The following ZNF521 variants were observed in gnomAD, a reference collection of about 807,000 sequenced individuals.
ZNF521 encodes the protein LYST-interacting protein 3.
ZNF521 carries 14 observed loss-of-function variants against 105.5 expected under a neutral mutation model. That is an observed-to-expected ratio of 0.13 (90% CI 0.09 to 0.21). The LOEUF (loss-of-function observed/expected upper bound fraction) is 0.21, where lower values mean the gene tolerates loss of function less well. ZNF521 is among the 10% of genes least tolerant of loss of function. The pLI, the probability that ZNF521 is intolerant of heterozygous loss-of-function variation, is 1.00. For missense variants in ZNF521, 1,233 were observed against 1,629.7 expected (o/e 0.76, Z 4.19); for synonymous variants, 635 against 606.0 (o/e 1.05, Z -0.70).
chr18:25,116,446 C>G (rs1003645109), intron 5 of ZNF521, among the ~76,000 whole-genome samples: 1 of 152,072 alleles, frequency 6.6e-6, no homozygotes, highest in Non-Finnish European at 1.5e-5. Context: ...AAGGTAACCC[C>G]TTAAACATGG....
rs36175281 is a variant in ZNF521 at position 25,139,372 on chromosome 18, C to CAAAAAAAAAAAAAAAA, written c.3659-47307_3659-47292dup. Among the ~76,000 whole-genome samples, 63 of 51,390 alleles carry CAAAAAAAAAAAAAAAA rather than the reference C, an allele frequency of 1.2e-3. 2 individuals carry two copies. Among genetic ancestry groups the CAAAAAAAAAAAAAAAA allele is most frequent in the Non-Finnish European group, 1.8e-3 (53 of 29,418 alleles). The allele number at this position is 51,390 out of a possible 152,430, so 33.7% of individuals were successfully genotyped here. A position where few individuals can be genotyped will look rare whatever the true frequency, so the allele number is the denominator to read the frequency against. ...TGGGCGACAGAGCAAGACTCTGTCT[C>CAAAAAAAAAAAAAAAA]AAAAAAAAAAAAAAAAAAAAAAAAA... On this transcript the variant is annotated intron_variant, in intron 5 of 7. Transcript: ENST00000361524.
chr18:25,343,121 A>G (rs931460361), intron 2 of ZNF521, among the ~76,000 whole-genome samples: 3 of 152,230 alleles, frequency 2.0e-5, no homozygotes, highest in African/African-American at 7.2e-5. Flanking sequence ...GTCTGTAATC[A>G]ATGAGGATTT....
chr18:25,190,344 A>G (rs558522894), intron 5 of ZNF521, among the ~76,000 whole-genome samples: 8 of 152,206 alleles, frequency 5.3e-5, no homozygotes, highest in Non-Finnish European at 1.2e-4. Context: ...TTCTTAGGAT[A>G]GCATGGAGAT....
At chr18:25,080,105 C>A (rs544407193) in intron 7 of ZNF521, among the ~76,000 whole-genome samples, 3 of 152,322 alleles carry the variant, frequency 2.0e-5, no homozygotes, top group Admixed American at 1.3e-4. Context: ...AGCTGTCCTC[C>A]CAGACATGGA....
chr18:25,288,216 G>C (rs1910815163), intron 3 of ZNF521, among the ~76,000 whole-genome samples: 1 of 152,044 alleles, frequency 6.6e-6, no homozygotes. Context: ...AACTGTTCAG[G>C]GACAGTAAGC....
intron 5 of ZNF521, among the ~76,000 whole-genome samples, chr18:25,182,624 T>C (rs1441891912): frequency 2.0e-5 from 3 of 152,210 alleles, no homozygotes; most frequent in Non-Finnish European, 4.4e-5. Flanking sequence ...AAACAAAATG[T>C]ACTTCCACTG....
chr18:25,246,549 T>C lies in ZNF521; in HGVS notation c.221-18852A>G, dbSNP rs114260002. Reference sequence around the variant, plus strand: ...GCAAAGACTTATCAAAACCCCAAAATGTAGCTACTATTGTTAAGACTATTC... The same window carrying C: ...GCAAAGACTTATCAAAACCCCAAAACGTAGCTACTATTGTTAAGACTATTC... On this transcript the variant is annotated intron_variant, in intron 3 of 7. Transcript: ENST00000361524. Among the ~76,000 whole-genome samples, 1,173 of 152,310 alleles carry C rather than the reference T, an allele frequency of 7.7e-3. 14 individuals carry two copies. The highest frequency in any genetic ancestry group is 0.023 in the African/African-American group (951 of 41,566).
intron 3 of ZNF521, among the ~76,000 whole-genome samples, chr18:25,300,494 T>G (rs937144633): frequency 6.6e-6 from 1 of 152,144 alleles, no homozygotes; most frequent in Non-Finnish European, 1.5e-5. Context: ...AAGAGAACAG[T>G]CTTATGTTGG....
chr18:25,324,518 T>A (rs1465013140), intron 2 of ZNF521, among the ~76,000 whole-genome samples: 3 of 152,054 alleles, frequency 2.0e-5, no homozygotes, highest in African/African-American at 7.2e-5. Context: ...CTATGGCAAA[T>A]TGACCCCCAC....
intron 5 of ZNF521, among the ~76,000 whole-genome samples, chr18:25,186,107 T>G (rs1426602066): frequency 1.3e-5 from 2 of 152,202 alleles, no homozygotes; most frequent in African/African-American, 4.8e-5. Flanking sequence ...AAAGTCTTAC[T>G]TTTCAGTCAG....
At chr18:25,190,788 T>G (rs2144621656) in intron 5 of ZNF521, among the ~76,000 whole-genome samples, 1 of 152,360 alleles carries the variant, frequency 6.6e-6, no homozygotes, top group Middle Eastern at 3.4e-3. Context: ...TACTCATTCT[T>G]TATGCCTTGA....
At chr18:25,310,721 A>G (rs1568071215) in intron 3 of ZNF521, among the ~76,000 whole-genome samples, 1 of 152,108 alleles carries the variant, frequency 6.6e-6, no homozygotes, top group Non-Finnish European at 1.5e-5. Context: ...CATTTGTTGC[A>G]TTGACCCTGT....
chr18:25,352,109 A>G lies in ZNF521; in HGVS notation c.-106T>C, dbSNP rs1190484710. 2.1e-6 allele frequency: 1 copy of G among 478,868 alleles called. No homozygotes were observed. Among genetic ancestry groups the G allele is most frequent in the Non-Finnish European group, 4.2e-6 (1 of 237,316 alleles). The allele number at this position is 478,868 out of a possible 1,614,324, so 29.7% of individuals were successfully genotyped here. Reference sequence around the variant, plus strand: ...AGGATGGCTCCAGAGGGGGCCCCTAACCCGCAGGGACTCGCTCTGTACGTA... The same window carrying G: ...AGGATGGCTCCAGAGGGGGCCCCTAGCCCGCAGGGACTCGCTCTGTACGTA... On this transcript the variant is annotated 5_prime_UTR_variant, in exon 1 of 8. Transcript: ENST00000361524.
chr18:25,217,675 T>C (rs1905420183), intron 4 of ZNF521, among the ~76,000 whole-genome samples: 1 of 152,236 alleles, frequency 6.6e-6, no homozygotes, highest in Admixed American at 6.5e-5. Flanking sequence ...AGTGAGGCCT[T>C]TGCCTAATAT....
chr18:25,151,602 C>T (rs577687953), intron 5 of ZNF521, among the ~76,000 whole-genome samples: 7 of 152,246 alleles, frequency 4.6e-5, no homozygotes, highest in East Asian at 1.9e-4. Flanking sequence ...GTAGTCTGGA[C>T]GAGACTTTTA....
intron 6 of ZNF521, among the ~76,000 whole-genome samples, 200 bp from the exon 7 acceptor site, chr18:25,089,780 T>A (rs2144208945): frequency 6.6e-6 from 1 of 152,202 alleles, no homozygotes; most frequent in Non-Finnish European, 1.5e-5. Flanking sequence ...ACGGAGCACC[T>A]AATTCAACCC....
At chr18:25,327,681 C>G (rs773312559) in intron 2 of ZNF521, 1 of 518,968 alleles carries the variant, frequency 1.9e-6, no homozygotes, top group Non-Finnish European at 3.8e-6. Context: ...GATATGCATT[C>G]TAACTTGAAA....
intron 2 of ZNF521, among the ~76,000 whole-genome samples, chr18:25,343,610 G>C (rs889577033): frequency 2.0e-5 from 3 of 152,122 alleles, no homozygotes; most frequent in Non-Finnish European, 2.9e-5. Context: ...CTCAGATTGG[G>C]AGAGCTATGA....
chr18:25,292,857 C>A (rs1362605062), intron 3 of ZNF521, among the ~76,000 whole-genome samples: 1 of 152,114 alleles, frequency 6.6e-6, no homozygotes, highest in Non-Finnish European at 1.5e-5. Context: ...AAGGGGAAGT[C>A]CAAGATAAAT....
Sources: gnomAD v4.1 joint callset for allele counts (sites outside exome capture counted in the v4.1 genomes callset) on GRCh38, gnomAD v4.1.1 for gene constraint, MANE v1.5 for transcripts, NCBI Gene and HGNC (gene_info 2026-07-23, HGNC 2026-07-21) for gene names.